ARSD: variants seen among roughly 807,000 people sequenced by gnomAD.
The protein encoded by ARSD is arylsulfatase D.
In ARSD, 21 loss-of-function variants were observed where a neutral mutation model predicts 32.6. That is an observed-to-expected ratio of 0.64 (90% confidence interval 0.46 to 0.93). ARSD has a LOEUF of 0.93. ARSD is among the 40% of genes least tolerant of loss of function. ARSD has a pLI of 0.00. For synonymous variants in ARSD, 224 were observed against 237.4 expected, an observed-to-expected ratio of 0.94 and a Z score of 0.52; for missense variants, 454 against 520.9, an observed-to-expected ratio of 0.87 and a Z score of 1.25.
At chrX:2,917,087 AT>A (rs59721608) in intron 5 of ARSD, among the ~76,000 whole-genome samples, 2,426 of 93,570 alleles carry the variant, frequency 0.026, 70 homozygotes, top group African/African-American at 0.076. Flanking sequence ...AAAAAAAAAA[AT>A]GAGACATTAG....
At chrX:2,921,360 TATC>T (rs1353244403) in intron 3 of ARSD, among the ~76,000 whole-genome samples, 6 of 111,985 alleles carry the variant, frequency 5.4e-5, no homozygotes, top group South Asian at 3.7e-4. Context: ...CTTATCTTTC[TATC>T]ATCATTATCT....
rs1345820082 is a variant in ARSD at position 2,909,950 on chromosome X, C to G, written c.1165G>C (p.Gly389Arg). 2.5e-6 allele frequency: 3 copies of G among 1,208,520 alleles called. No homozygotes were observed. The highest frequency in any genetic ancestry group is 2.2e-6 in the Non-Finnish European group (2 of 894,964). The change falls in exon 8 of 10, where the codon GGG (glycine) becomes CGG (arginine). Residue 389 changes from glycine to arginine, a missense_variant. Physicochemically the swap from Gly to Arg is moderately radical, Grantham distance 125 (BLOSUM62 -2). This residue lies in a region of ARSD where 179 missense variants were observed against 198.5 expected (regional missense o/e 0.90). Transcript: ENST00000381154. ...TGGAAGATCCCGGGCACGCGGATCC[C>G]ACCTTCCCATCCTCCCATGCCCTTC... ...GGKGMGGWEG[G>R]IRVPGIFHWP...
In ARSD at chrX:2,910,672, G is replaced by A. The variant is rs151160381; in HGVS notation, c.1122C>T (p.Asn374=). 4.4e-5 allele frequency: 53 copies of A among 1,210,034 alleles called. No individual in the cohort carries two copies. Among genetic ancestry groups the A allele is most frequent in the South Asian group, 3.5e-4 (20 of 56,859 alleles). The change falls in exon 7 of 10, where the codon AAC becomes AAT. Residue 374 remains asparagine, a synonymous_variant. Transcript: ENST00000381154. ...RDGHSQLGGW[N]GIYKGGKGMG... ...TCCACAACTCACCTTTGTAAATTCCGTTCCATCCCCCTAACTGGCTGTGTC... is the reference window on the plus strand; with the variant it reads ...TCCACAACTCACCTTTGTAAATTCCATTCCATCCCCCTAACTGGCTGTGTC...
chrX:2,912,974 G>C (rs190784181), intron 6 of ARSD, among the ~76,000 whole-genome samples: 1 of 112,125 alleles, frequency 8.9e-6, no homozygotes, highest in African/African-American at 3.2e-5. Flanking sequence ...TATCTGAGGC[G>C]GGTCTCAATC....
intron 6 of ARSD, among the ~76,000 whole-genome samples, chrX:2,912,492 A>C (rs1479860977): frequency 9.0e-6 from 1 of 111,601 alleles, no homozygotes. Context: ...ACATGTTCTC[A>C]GGACCTCCTG....
chrX:2,929,006 T>A lies in ARSD; in HGVS notation c.44+226A>T, dbSNP rs1200077396. On this transcript the variant is annotated intron_variant, in intron 1 of 9. Coordinates refer to ENST00000381154, the MANE Select transcript of ARSD (RefSeq NM_001669.4). ...TCAGTTCGGTCTCCTCCACCCGCCCTTCGTCCCCTCAGTCGCCCCCCATCC... is the reference window on the plus strand; with the variant it reads ...TCAGTTCGGTCTCCTCCACCCGCCCATCGTCCCCTCAGTCGCCCCCCATCC... 5.3e-5 allele frequency among the ~76,000 whole-genome samples: 6 copies of A among 112,168 alleles called. No individual in the cohort carries two copies. In the South Asian group the frequency reaches 1.5e-3, roughly 27 times the overall value.
At chrX:2,925,800 T>G in intron 1 of ARSD, 35 bp from the exon 2 acceptor site, 1 of 1,199,147 alleles carries the variant, frequency 8.3e-7, no homozygotes, top group East Asian at 3.0e-5. Flanking sequence ...AATGACTATC[T>G]ACAATTTGGC....
chrX:2,920,519 C>T (rs763868569), intron 4 of ARSD, 82 bp downstream of exon 4: 114 of 1,167,445 alleles, frequency 9.8e-5, no homozygotes, highest in African/African-American at 2.3e-4. Flanking sequence ...TACAGGCGTG[C>T]GCCACCACGC....
At position 2,929,271 on chromosome X, in the gene ARSD, C is replaced by T; in HGVS notation, c.5G>A (p.Arg2Gln). ...GGCGCGTCCCCTCCGCGCGGCGGAT[C>T]GCATGGCCGAGCGCTGGCCCAGAGC... Reference protein sequence around the residue: MRSAARRGRAAP... With the variant: MQSAARRGRAAP... The change falls in exon 1 of 10, where the codon CGA becomes CAA. Residue 2 changes from arginine to glutamine, a missense_variant. This residue lies in a region of ARSD where 271 missense variants were observed against 301.0 expected (regional missense o/e 0.90). Transcript: ENST00000381154. 3.9e-6 allele frequency: 4 copies of T among 1,017,898 alleles called. No homozygotes were observed. The highest frequency in any genetic ancestry group is 5.0e-6 in the Non-Finnish European group (4 of 806,725). The allele number at this position is 1,017,898 out of a possible 1,213,427, so 83.9% of individuals were successfully genotyped here. A position where few individuals can be genotyped will look rare whatever the true frequency, so the allele number is the denominator to read the frequency against.
At position 2,925,675 on chromosome X, in the gene ARSD, C is replaced by A. The variant is rs773587076; in HGVS notation, c.135G>T (p.Leu45=). 3 of 1,210,450 alleles carry A rather than the reference C, an allele frequency of 2.5e-6. No individual in the cohort carries two copies. Among genetic ancestry groups the A allele is most frequent in the Non-Finnish European group, 3.4e-6 (3 of 894,795 alleles). Residue 45 remains leucine (L), a synonymous_variant, in exon 2 of 10, where the codon CTG becomes CTT. Coordinates refer to ENST00000381154, the MANE Select transcript of ARSD (RefSeq NM_001669.4). Reference sequence around the variant, plus strand: ...CAGTGCCTAGATCATCCGCCATGATCAGTAGGATATTTGGTTTAAAGGCAT... The same window carrying A: ...CAGTGCCTAGATCATCCGCCATGATAAGTAGGATATTTGGTTTAAAGGCAT... ...TANAFKPNIL[L]IMADDLGTGD... is the part of the protein sequence containing the mutation.
chrX:2,929,235 G>C lies in ARSD; in HGVS notation c.41C>G (p.Ala14Gly). 2.9e-6 allele frequency: 3 copies of C among 1,037,992 alleles called. No individual in the cohort carries two copies. The highest frequency in any genetic ancestry group is 3.7e-6 in the Non-Finnish European group (3 of 816,262). The allele number at this position is 1,037,992 out of a possible 1,213,427, so 85.5% of individuals were successfully genotyped here. The change falls in exon 1 of 10, where the codon GCC (alanine) becomes GGC (glycine). Residue 14 changes from alanine to glycine, a missense_variant. Ala to Gly is a moderately conservative substitution (Grantham distance 60, BLOSUM62 0). Transcript: ENST00000381154. ...CGCGTCCCGGGGTCCCAGGCACCTG[G>C]CGGCGGGCGCGGCGCGTCCCCTCCG... ...AARRGRAAPAARDSLPVLLFL... is the reference protein window; with the variant it reads ...AARRGRAAPAGRDSLPVLLFL...
rs1240525630 is a variant in ARSD at position 2,915,565 on chromosome X, A to C, written c.991T>G (p.Trp331Gly). 13 of 1,211,680 alleles carry C rather than the reference A, an allele frequency of 1.1e-5. No individual in the cohort carries two copies. The South Asian group carries it at 1.9e-4, about 18-fold the overall frequency. ...TGGTACCTTGACTTACCTATGAGCC[A>C]GTCCATCTCCTCCACATTATCACCA... Reference protein sequence around the residue: ...LYGDNVEEMDWLIGKVLNAIE... With the variant: ...LYGDNVEEMDGLIGKVLNAIE... Residue 331 changes from tryptophan (W) to glycine (G), a missense_variant, in exon 6 of 10, where the codon TGG becomes GGG. Transcript: ENST00000381154.
intron 8 of ARSD, among the ~76,000 whole-genome samples, chrX:2,909,107 A>C (rs2088880116): frequency 9.8e-6 from 1 of 101,965 alleles, no homozygotes; most frequent in East Asian, 4.2e-4. Flanking sequence ...CACACACCCC[A>C]ACACACAGCA....
At chrX:2,911,067 A>C (rs1296232029) in intron 6 of ARSD, among the ~76,000 whole-genome samples, 6 of 112,333 alleles carry the variant, frequency 5.3e-5, no homozygotes, top group Non-Finnish European at 1.1e-4. Context: ...GCCATTCCAA[A>C]GTTAACCTGA....
At chrX:2,910,630 C>T in intron 7 of ARSD, 29 bp downstream of exon 7, 1 of 1,210,606 alleles carries the variant, frequency 8.3e-7, no homozygotes, top group South Asian at 1.8e-5. Flanking sequence ...TGGTCGAATG[C>T]ATATGTGTCC....
intron 6 of ARSD, 113 bp downstream of exon 6, chrX:2,915,443 C>T: frequency 9.3e-7 from 1 of 1,079,620 alleles, no homozygotes; most frequent in Non-Finnish European, 1.2e-6. Flanking sequence ...GCGTGAGCCA[C>T]CGCCCTTATT....
chrX:2,916,392 A>C (rs1426025775), intron 5 of ARSD, among the ~76,000 whole-genome samples: 4 of 109,093 alleles, frequency 3.7e-5, no homozygotes, highest in African/African-American at 1.3e-4. Context: ...CGGCCACTCA[A>C]GAGGCTGAGG....
Position 2,918,152 on chromosome X carries a change from T to C in ARSD, c.515A>G (p.Tyr172Cys). The C allele has an allele frequency of 8.3e-7, 1 of 1,199,251 alleles. No individual in the cohort carries two copies. Among genetic ancestry groups the C allele is most frequent in the Non-Finnish European group, 1.1e-6 (1 of 887,840 alleles). Residue 172 changes from tyrosine to cysteine, a missense_variant, in exon 5 of 10, where the codon TAT (tyrosine) becomes TGT (cysteine). By Grantham distance (194) the Tyr-to-Cys change is radical. Around this residue, in one of 3 missense-constraint regions of ARSD, gnomAD observed 271 missense variants for 301.0 expected, o/e 0.90. Coordinates refer to ENST00000381154, the MANE Select transcript of ARSD (RefSeq NM_001669.4). ...CHHPLNHGFD[Y>C]FYGMPFTLTN... is the part of the protein sequence containing the mutation. ...GAGCGTGAAGGGCATGCCGTAGAAATAGTCAAATCCGTGGTTCAGGGGGTG... is the reference window on the plus strand; with the variant it reads ...GAGCGTGAAGGGCATGCCGTAGAAACAGTCAAATCCGTGGTTCAGGGGGTG...
At chrX:2,922,845 A>G (rs2089042979) in intron 2 of ARSD, among the ~76,000 whole-genome samples, 1 of 17,590 alleles carries the variant, frequency 5.7e-5, no homozygotes, top group Non-Finnish European at 8.5e-5. Context: ...CGTGTCTCAA[A>G]AAAAAAAAAA....
Sources: gnomAD v4.1 joint callset for allele counts (sites outside exome capture counted in the v4.1 genomes callset) on GRCh38, gnomAD v4.1.1 for gene constraint, gnomAD v4.1.1 regional missense constraint, MANE v1.5 for transcripts, NCBI Gene and HGNC (gene_info 2026-07-23, HGNC 2026-07-21) for gene names.